The following CCSER1 variants were observed in gnomAD, a reference collection of about 807,000 sequenced individuals.
CCSER1 encodes the protein coiled-coil serine rich protein 1.
A neutral mutation model predicts 82.0 loss-of-function variants in CCSER1; 41 were observed. That is an observed-to-expected ratio of 0.50 (90% CI 0.39 to 0.65). The LOEUF (loss-of-function observed/expected upper bound fraction) is 0.65. Among genes scored for constraint, CCSER1 ranks in the 30% least tolerant of loss-of-function variants. The pLI, the probability that CCSER1 is intolerant of heterozygous loss-of-function variation, is 0.00. For missense variants in CCSER1, 1,119 were observed against 1,064.2 expected (o/e 1.05, Z -0.72); for synonymous variants, 414 against 383.9 (o/e 1.08, Z -0.92).
chr4:90,412,389 A>C (rs1331744657), intron 4 of CCSER1, among the ~76,000 whole-genome samples: 1 of 151,800 alleles, frequency 6.6e-6, no homozygotes, highest in African/African-American at 2.4e-5. Flanking sequence ...TGGGTGCAGC[A>C]CACCAACATG....
chr4:91,226,457 G>GA (rs907239071), intron 10 of CCSER1, among the ~76,000 whole-genome samples: 32 of 151,932 alleles, frequency 2.1e-4, no homozygotes, highest in Admixed American at 1.3e-3. Context: ...TGATTTAAAT[G>GA]AAAAGTTATC....
At chr4:90,413,731 A>G (rs565314455) in intron 4 of CCSER1, among the ~76,000 whole-genome samples, 19 of 151,434 alleles carry the variant, frequency 1.3e-4, no homozygotes, top group African/African-American at 4.6e-4. Context: ...CAAGGCGGGC[A>G]GATCACGAGG....
intron 3 of CCSER1, among the ~76,000 whole-genome samples, chr4:90,384,560 T>C (rs1749721113): frequency 6.6e-6 from 1 of 152,042 alleles, no homozygotes; most frequent in South Asian, 2.1e-4. Context: ...CTAAAGTGAA[T>C]ATCTGAGTAT....
intron 4 of CCSER1, among the ~76,000 whole-genome samples, chr4:90,455,512 C>A (rs536584271): frequency 6.6e-6 from 1 of 152,124 alleles, no homozygotes; most frequent in Non-Finnish European, 1.5e-5. Context: ...GGTTGGTTAC[C>A]CATCAGGAAA....
At chr4:90,597,272 T>A (rs918869295) in intron 5 of CCSER1, among the ~76,000 whole-genome samples, 5 of 152,036 alleles carry the variant, frequency 3.3e-5, no homozygotes, top group African/African-American at 1.2e-4. Context: ...TTCATGCCTC[T>A]GATCATTTTA....
intron 10 of CCSER1, among the ~76,000 whole-genome samples, chr4:91,151,294 C>A (rs986169142): frequency 6.6e-6 from 1 of 151,874 alleles, no homozygotes; most frequent in African/African-American, 2.4e-5. Flanking sequence ...TAGTTTGTAT[C>A]TCTGTGGGAT....
chr4:90,743,449 A>G (rs961556475), intron 7 of CCSER1, among the ~76,000 whole-genome samples: 97 of 152,330 alleles, frequency 6.4e-4, no homozygotes, highest in African/African-American at 2.2e-3. Flanking sequence ...GTACATGAAC[A>G]CGTCTTCTTT....
intron 1 of CCSER1, among the ~76,000 whole-genome samples, chr4:90,158,831 G>A (rs2153363810): frequency 6.6e-6 from 1 of 152,152 alleles, no homozygotes; most frequent in East Asian, 1.9e-4. Flanking sequence ...TGTGCTTCCT[G>A]AGTGAGGCAA....
chr4:91,069,642 T>TC (rs1721219221), intron 9 of CCSER1, among the ~76,000 whole-genome samples: 1 of 152,198 alleles, frequency 6.6e-6, no homozygotes, highest in African/African-American at 2.4e-5. Context: ...AAAAATATTT[T>TC]CCAGTGTTAA....
chr4:91,070,960 A>C (rs933803511), intron 9 of CCSER1, among the ~76,000 whole-genome samples: 8 of 152,210 alleles, frequency 5.3e-5, no homozygotes, highest in Non-Finnish European at 7.3e-5. Flanking sequence ...AAAATTATAG[A>C]AGAAATACTA....
chr4:90,280,116 C>A (rs1334103252), intron 1 of CCSER1, among the ~76,000 whole-genome samples: 1 of 151,824 alleles, frequency 6.6e-6, no homozygotes, highest in African/African-American at 2.4e-5. Flanking sequence ...AAAGAAAAAA[C>A]AAATTCCAAC....
chr4:90,277,352 G>A (rs544908984), intron 1 of CCSER1, among the ~76,000 whole-genome samples: 28 of 152,052 alleles, frequency 1.8e-4, no homozygotes, highest in Non-Finnish European at 3.7e-4. Context: ...AATAGGCAAA[G>A]CAATCCTAAG....
At chr4:91,094,066 C>A (rs536562665) in intron 10 of CCSER1, among the ~76,000 whole-genome samples, 1 of 152,192 alleles carries the variant, frequency 6.6e-6, no homozygotes, top group Non-Finnish European at 1.5e-5. Flanking sequence ...TCTTGGACAT[C>A]TTATACTCAC....
At chr4:90,242,369 A>G (rs1747038210) in intron 1 of CCSER1, among the ~76,000 whole-genome samples, 1 of 152,192 alleles carries the variant, frequency 6.6e-6, no homozygotes, top group African/African-American at 2.4e-5. Context: ...ACTCTTAGGC[A>G]CTATTCCCAA....
chr4:91,458,024 T>C (rs1168106464), intron 10 of CCSER1, among the ~76,000 whole-genome samples: 1 of 152,178 alleles, frequency 6.6e-6, no homozygotes. Context: ...TAGAATGCCA[T>C]GCTTTAGCTT....
At chr4:90,683,728 C>T (rs1579904950) in intron 6 of CCSER1, among the ~76,000 whole-genome samples, 1 of 151,590 alleles carries the variant, frequency 6.6e-6, no homozygotes, top group Non-Finnish European at 1.5e-5. Context: ...AATAGCATAC[C>T]TATTTAAATC....
intron 9 of CCSER1, among the ~76,000 whole-genome samples, chr4:91,056,242 T>A (rs1437392435): frequency 6.6e-6 from 1 of 152,110 alleles, no homozygotes; most frequent in Non-Finnish European, 1.5e-5. Flanking sequence ...TTTTACCATT[T>A]GTTATATGCT....
chr4:91,594,679 T>G (rs140372182), intron 10 of CCSER1, among the ~76,000 whole-genome samples: 323 of 152,088 alleles, frequency 2.1e-3, no homozygotes, highest in Non-Finnish European at 3.9e-3. Flanking sequence ...TGAATGATTG[T>G]TAGAGTTTCT....
intron 5 of CCSER1, among the ~76,000 whole-genome samples, chr4:90,608,205 C>T (rs891732453): frequency 1.3e-5 from 2 of 152,052 alleles, no homozygotes; most frequent in Non-Finnish European, 2.9e-5. Flanking sequence ...TTAGTTGGGT[C>T]CTCTATTAGG....
Sources: allele counts gnomAD v4.1 joint callset (sites outside exome capture counted in the v4.1 genomes callset), GRCh38; gene constraint gnomAD v4.1.1; transcripts MANE v1.5; gene names NCBI Gene and HGNC (gene_info 2026-07-23, HGNC 2026-07-21).